The following LYPLAL1 variants were observed in gnomAD, a reference collection of about 807,000 sequenced individuals.
LYPLAL1 encodes lysophospholipase-like protein 1.
LYPLAL1 carries 23 observed loss-of-function variants against 19.7 expected under a neutral mutation model. The observed-to-expected ratio is 1.17, with a 90% CI of 0.84 to 1.65. The LOEUF (loss-of-function observed/expected upper bound fraction) is 1.65. Among genes scored for constraint, LYPLAL1 ranks in the 40% most tolerant of loss-of-function variants. LYPLAL1 has a pLI of 0.00. For synonymous variants in LYPLAL1, 119 were observed against 96.3 expected (o/e 1.24, Z -1.38); for missense variants, 355 against 279.4 (o/e 1.27, Z -1.93).
chr1:219,433,540 G>C, the LYPLAL1 span, among the ~76,000 whole-genome samples: 1 of 152,148 alleles, frequency 6.6e-6, no homozygotes, highest in Non-Finnish European at 1.5e-5. Flanking sequence ...CAATATTAAG[G>C]GTAGTTATTC....
chr1:219,396,832 A>G, the LYPLAL1 span, among the ~76,000 whole-genome samples: 1 of 152,178 alleles, frequency 6.6e-6, no homozygotes, highest in South Asian at 2.1e-4. Flanking sequence ...GAATTTGGAC[A>G]TGTAGATATG....
the LYPLAL1 span, among the ~76,000 whole-genome samples, chr1:219,422,737 G>A: frequency 6.6e-6 from 1 of 152,272 alleles, no homozygotes; most frequent in African/African-American, 2.4e-5. Context: ...TCGTTGGTTG[G>A]ATGCTTGGGG....
chr1:219,195,518 C>G (rs1036332681), intron 3 of LYPLAL1, among the ~76,000 whole-genome samples: 2 of 152,030 alleles, frequency 1.3e-5, no homozygotes, highest in African/African-American at 2.4e-5. Context: ...AAGAGTTTAT[C>G]ACACTGAATG....
chr1:219,276,350 G>A, the LYPLAL1 span, among the ~76,000 whole-genome samples: 2 of 151,696 alleles, frequency 1.3e-5, no homozygotes, highest in Non-Finnish European at 2.9e-5. Context: ...GGTACACAAG[G>A]CATTATTTGG....
the LYPLAL1 span, among the ~76,000 whole-genome samples, chr1:219,390,775 T>A: frequency 6.6e-6 from 1 of 152,332 alleles, no homozygotes; most frequent in Admixed American, 6.5e-5. Context: ...TGCACCTTAA[T>A]AAATTTGTTA....
At chr1:219,288,460 G>C in the LYPLAL1 span, among the ~76,000 whole-genome samples, 1 of 152,134 alleles carries the variant, frequency 6.6e-6, no homozygotes, top group African/African-American at 2.4e-5. Flanking sequence ...TGACTGCCAG[G>C]GTTTGAGGCG....
At chr1:219,211,457 CT>C in intron 4 of LYPLAL1, 34 bp from the exon 5 acceptor site, 1 of 1,345,060 alleles carries the variant, frequency 7.4e-7, no homozygotes, top group Non-Finnish European at 1.0e-6. Context: ...AATGGAATTT[CT>C]TAAACTTTTC....
chr1:219,439,040 C>A, the LYPLAL1 span, among the ~76,000 whole-genome samples: 1 of 152,118 alleles, frequency 6.6e-6, no homozygotes, highest in Non-Finnish European at 1.5e-5. Context: ...TCTCTTTGCT[C>A]TCCGACTCAC....
At chr1:219,219,156 A>C in the LYPLAL1 span, among the ~76,000 whole-genome samples, 1 of 152,180 alleles carries the variant, frequency 6.6e-6, no homozygotes, top group African/African-American at 2.4e-5. Context: ...GGTATCATTA[A>C]TCATTTTAGC....
At chr1:219,253,008 G>A in the LYPLAL1 span, among the ~76,000 whole-genome samples, 1 of 151,970 alleles carries the variant, frequency 6.6e-6, no homozygotes, top group East Asian at 1.9e-4. Context: ...TCCTGGCTCA[G>A]TCTTGAGAGA....
chr1:219,295,555 C>G, the LYPLAL1 span, among the ~76,000 whole-genome samples: 3 of 152,186 alleles, frequency 2.0e-5, no homozygotes, highest in African/African-American at 4.8e-5. Flanking sequence ...CAGAAAATGT[C>G]TGTTCTGAAA....
chr1:219,334,333 C>T, the LYPLAL1 span, among the ~76,000 whole-genome samples: 1 of 151,988 alleles, frequency 6.6e-6, no homozygotes, highest in African/African-American at 2.4e-5. Flanking sequence ...CAATTCTGCT[C>T]CCCATTTATA....
chr1:219,183,389 A>G (rs1174646687), intron 2 of LYPLAL1, among the ~76,000 whole-genome samples: 1 of 152,042 alleles, frequency 6.6e-6, no homozygotes, highest in Non-Finnish European at 1.5e-5. Flanking sequence ...GCATTTTCAC[A>G]TTCTTAATGA....
chr1:219,368,714 G>T, the LYPLAL1 span, among the ~76,000 whole-genome samples: 1 of 151,990 alleles, frequency 6.6e-6, no homozygotes, highest in Non-Finnish European at 1.5e-5. Context: ...TAACAATTCT[G>T]AACTATCTAC....
the LYPLAL1 span, among the ~76,000 whole-genome samples, chr1:219,238,856 A>G: frequency 6.6e-6 from 1 of 152,238 alleles, no homozygotes; most frequent in Non-Finnish European, 1.5e-5. Flanking sequence ...TCTCATTACT[A>G]TTGTTTAGGT....
the LYPLAL1 span, among the ~76,000 whole-genome samples, chr1:219,290,393 A>G: frequency 1.3e-5 from 2 of 152,204 alleles, no homozygotes; most frequent in Non-Finnish European, 2.9e-5. Flanking sequence ...CTACATGTTT[A>G]GGTTTAAAAG....
At chr1:219,250,824 A>T in the LYPLAL1 span, among the ~76,000 whole-genome samples, 1 of 152,070 alleles carries the variant, frequency 6.6e-6, no homozygotes, top group Admixed American at 6.6e-5. Context: ...ATACCCAATA[A>T]TGGGATTGCT....
Position 219,211,405 on chromosome 1 carries a change from T to C in LYPLAL1, c.478-87T>C, listed in dbSNP as rs1659026907. 7 of 922,044 alleles carry C rather than the reference T, an allele frequency of 7.6e-6. No homozygotes were observed. In the South Asian group the frequency reaches 1.2e-4, roughly 16 times the overall value. 57.1% of individuals were successfully genotyped at this position (922,044 alleles called of 1,614,324 possible). A position where few individuals can be genotyped will look rare whatever the true frequency, so the allele number is the denominator to read the frequency against. Reference sequence around the variant, plus strand: ...ATTAGTTATTGAAGCCTTGGTAAAATTGGAATTTTCCTGTTCTCTCTGATT... The same window carrying C: ...ATTAGTTATTGAAGCCTTGGTAAAACTGGAATTTTCCTGTTCTCTCTGATT... On this transcript the variant is annotated intron_variant, in intron 4 of 4. Coordinates refer to ENST00000366928, the MANE Select transcript of LYPLAL1 (RefSeq NM_138794.5).
chr1:219,403,173 A>G, the LYPLAL1 span, among the ~76,000 whole-genome samples: 11 of 152,344 alleles, frequency 7.2e-5, no homozygotes, highest in East Asian at 2.1e-3. Flanking sequence ...TTTCTCAGTG[A>G]AAACTTGGGT....
Sources: gnomAD v4.1 joint callset for allele counts (sites outside exome capture counted in the v4.1 genomes callset) on GRCh38, gnomAD v4.1.1 for gene constraint, MANE v1.5 for transcripts, NCBI Gene and HGNC (gene_info 2026-07-23, HGNC 2026-07-21) for gene names.